Variants in PFKFB3 observed in about 807,000 individuals in gnomAD.
PFKFB3 encodes the protein 6-phosphofructo-2-kinase/fructose-2,6-bisphosphatase 3.
Under a neutral mutation model 68.0 loss-of-function variants are expected in PFKFB3, and 33 were observed. That is an observed-to-expected ratio of 0.49 (90% confidence interval 0.37 to 0.65). The LOEUF (loss-of-function observed/expected upper bound fraction) is 0.65. Ranked by LOEUF, PFKFB3 falls within the 30% of genes least tolerant of loss-of-function variation. PFKFB3 has a pLI of 0.00. For synonymous variants in PFKFB3, 315 were observed against 288.2 expected (o/e 1.09, Z -0.94); for missense variants, 586 against 712.2 (o/e 0.82, Z 2.02).
At chr10:6,191,133 A>G (rs1843012629) in intron 1 of PFKFB3, among the ~76,000 whole-genome samples, 2 of 152,218 alleles carry the variant, frequency 1.3e-5, no homozygotes, top group Admixed American at 6.5e-5. Context: ...GACATACGAA[A>G]TAACAAAGAT....
In PFKFB3 at chr10:6,176,445, T is replaced by C. The variant is rs1162448481; in HGVS notation, c.16+31432T>C. The stretch of plus-strand genomic sequence containing the variant: ...GTGCAAGAGATGGGGTCTCCCTCTG[T>C]TGCCCAGGCTGGAGTACAGTGGGCC... On this transcript the variant is annotated intron_variant, in intron 1 of 14. Transcript: ENST00000379789. Among the ~76,000 whole-genome samples, 7 of 152,206 alleles carry C rather than the reference T, an allele frequency of 4.6e-5. No homozygotes were observed. The East Asian group carries it at 1.2e-3, about 25-fold the overall frequency.
the PFKFB3 span, among the ~76,000 whole-genome samples, chr10:6,283,871 C>T: frequency 1.3e-5 from 2 of 152,122 alleles, no homozygotes; most frequent in Non-Finnish European, 2.9e-5. Flanking sequence ...GGTGCCACCC[C>T]ATGGCAGGAT....
At chr10:6,200,766 T>C (rs1843321920), upstream of PFKFB3, among the ~76,000 whole-genome samples, 1 of 151,418 alleles carries the variant, frequency 6.6e-6, no homozygotes, top group African/African-American at 2.4e-5. Flanking sequence ...GAACATAGTC[T>C]TCCCTCTAGA....
the PFKFB3 span, among the ~76,000 whole-genome samples, chr10:6,286,737 G>C: frequency 6.6e-6 from 1 of 152,174 alleles, no homozygotes; most frequent in African/African-American, 2.4e-5. Context: ...TATTTTTATA[G>C]TGGGTTTAAT....
downstream of PFKFB3, among the ~76,000 whole-genome samples, chr10:6,235,768 T>C (rs1297506481): frequency 7.8e-6 from 1 of 128,670 alleles, no homozygotes; most frequent in African/African-American, 2.6e-5. Context: ...TTTTCTTTTT[T>C]TTCTTTTTTT....
rs776077289 is a variant in PFKFB3 at position 6,179,799 on chromosome 10, G to A, written c.17-33824G>A. On this transcript the variant is annotated intron_variant, in intron 1 of 14. Coordinates refer to the PFKFB3 transcript ENST00000379789. The stretch of plus-strand genomic sequence containing the variant: ...ACATTCTGCCAGGCACAGAAACCAC[G>A]AGAGCCCACCTTCCCCAAAGGCTGC... Among the ~76,000 whole-genome samples, 19 of 152,274 alleles carry A rather than the reference G, an allele frequency of 1.2e-4. 1 individual carries two copies. Among genetic ancestry groups the A allele is most frequent in the African/African-American group, 2.6e-4 (11 of 41,558 alleles).
intron 1 of PFKFB3, among the ~76,000 whole-genome samples, chr10:6,167,666 A>G (rs1410490402): frequency 6.6e-6 from 1 of 152,156 alleles, no homozygotes; most frequent in Non-Finnish European, 1.5e-5. Context: ...CTCTTCCTCC[A>G]TTGGATTATC....
At chr10:6,214,485 TG>T (rs577192699) in intron 2 of PFKFB3, among the ~76,000 whole-genome samples, 124 of 152,032 alleles carry the variant, frequency 8.2e-4, no homozygotes, top group African/African-American at 2.8e-3. Context: ...CCCAACTAGA[TG>T]GGGAACATCT....
intron 1 of PFKFB3, among the ~76,000 whole-genome samples, chr10:6,158,818 A>C (rs977808284): frequency 6.6e-6 from 1 of 151,742 alleles, no homozygotes; most frequent in African/African-American, 2.4e-5. Context: ...AGTGAGCTGA[A>C]ATCGCAGCGC....
chr10:6,206,447 C>T lies in PFKFB3; in HGVS notation c.76+3111C>T, dbSNP rs1172667507. 4.7e-4 allele frequency among the ~76,000 whole-genome samples: 58 copies of T among 122,188 alleles called. 7 individuals carry two copies. Among genetic ancestry groups the T allele is most frequent in the African/African-American group, 1.6e-3 (47 of 29,778 alleles). The allele number at this position is 122,188 out of a possible 152,430, so 80.2% of individuals were successfully genotyped here. Reference sequence around the variant, plus strand: ...CAAAACCGCCATTGTCGTCATGGCCCGTTCTCAATGAGCTGTTGGGTACAC... The same window carrying T: ...CAAAACCGCCATTGTCGTCATGGCCTGTTCTCAATGAGCTGTTGGGTACAC... On this transcript the variant is annotated intron_variant, in intron 1 of 14. Coordinates refer to ENST00000379775, the MANE Select transcript of PFKFB3 (RefSeq NM_004566.4).
the PFKFB3 span, among the ~76,000 whole-genome samples, chr10:6,320,183 A>G: frequency 6.6e-6 from 1 of 152,326 alleles, no homozygotes; most frequent in East Asian, 1.9e-4. Context: ...CCTGGGTGAC[A>G]GAGTGAGACC....
intron 14 of PFKFB3, among the ~76,000 whole-genome samples, chr10:6,232,197 G>T (rs2132051171): frequency 6.6e-6 from 1 of 151,656 alleles, no homozygotes; most frequent in South Asian, 2.1e-4. Flanking sequence ...CCGCTGTGCA[G>T]TGGCTGCAGT....
chr10:6,177,429 C>CT (rs368351485), intron 1 of PFKFB3, among the ~76,000 whole-genome samples: 3 of 51,466 alleles, frequency 5.8e-5, no homozygotes, highest in Non-Finnish European at 1.3e-4. Flanking sequence ...TTCTTCCTTT[C>CT]TTTTCTTTCT....
intron 1 of PFKFB3, among the ~76,000 whole-genome samples, chr10:6,194,346 A>G (rs1179701972): frequency 1.3e-5 from 2 of 152,256 alleles, no homozygotes; most frequent in Admixed American, 6.5e-5. Context: ...AGCTCTTGAC[A>G]TCACAAGATG....
chr10:6,155,883 GC>G (rs1366025578), intron 1 of PFKFB3, among the ~76,000 whole-genome samples: 5 of 152,092 alleles, frequency 3.3e-5, no homozygotes, highest in African/African-American at 1.2e-4. Context: ...AGGCTTTATG[GC>G]CCTGGGCTAC....
intron 1 of PFKFB3, among the ~76,000 whole-genome samples, chr10:6,161,635 TATAGAGAGAG>T (rs1841978433): frequency 1.2e-5 from 1 of 80,500 alleles, no homozygotes; most frequent in Non-Finnish European, 4.0e-5. Context: ...CATATATATA[TATAGAGAGAG>T]AGAGAGAGAG....
chr10:6,206,997 G>A (rs945698006), intron 1 of PFKFB3, among the ~76,000 whole-genome samples: 1 of 149,608 alleles, frequency 6.7e-6, no homozygotes, highest in Non-Finnish European at 1.5e-5. Flanking sequence ...CAGACGATGG[G>A]TGGCCAGGCA....
At position 6,195,996 on chromosome 10, in the gene PFKFB3, A is replaced by C. The variant is rs1843165943; in HGVS notation, c.17-17627A>C. On this transcript the variant is annotated intron_variant, in intron 1 of 14. Transcript: ENST00000379789. ...ACTTTGAGAGGAATTTTCCAGAATCAAGCTTTCTGGCTCTCCTTCCTCTTT... is the reference window on the plus strand; with the variant it reads ...ACTTTGAGAGGAATTTTCCAGAATCCAGCTTTCTGGCTCTCCTTCCTCTTT... Among the ~76,000 whole-genome samples the C allele has an allele frequency of 2.6e-5, 4 of 152,120 alleles. No homozygotes were observed. In the South Asian group the frequency reaches 8.3e-4, roughly 31 times the overall value.
At chr10:6,209,771 T>TTC (rs919362040) in intron 1 of PFKFB3, among the ~76,000 whole-genome samples, 2 of 147,380 alleles carry the variant, frequency 1.4e-5, no homozygotes, top group African/African-American at 5.0e-5. Flanking sequence ...TTTTCTTTTT[T>TTC]TTTTTTTTTT....
Sources: gnomAD v4.1 joint callset for allele counts (sites outside exome capture counted in the v4.1 genomes callset) on GRCh38, gnomAD v4.1.1 for gene constraint, MANE v1.5 for transcripts, NCBI Gene and HGNC (gene_info 2026-07-23, HGNC 2026-07-21) for gene names.